C3orf49: variants seen among roughly 807,000 people sequenced by gnomAD.
The protein encoded by C3orf49 is putative uncharacterized protein C3orf49.
In C3orf49, 27 loss-of-function variants were observed where a neutral mutation model predicts 13.3. The observed-to-expected ratio is 2.02, with a 90% CI of 1.49 to 2.79. The LOEUF is 2.79. Among genes scored for constraint, C3orf49 ranks in the 30% most tolerant of loss-of-function variants. C3orf49 has a pLI of 0.00. For synonymous variants in C3orf49, 87 were observed against 47.6 expected, an observed-to-expected ratio of 1.83 and a Z score of -3.40; for missense variants, 242 against 134.2, an observed-to-expected ratio of 1.80 and a Z score of -3.97.
chr3:63,848,030 A>G (rs1257005973), intron 6 of C3orf49, among the ~76,000 whole-genome samples: 2 of 152,196 alleles, frequency 1.3e-5, no homozygotes, highest in Non-Finnish European at 1.5e-5. Flanking sequence ...AAGACTGACC[A>G]AACAGACTCT....
rs753527704 is a variant in C3orf49 at position 63,823,587 on chromosome 3, A to T, written c.445+18A>T. ...AGAGAATGGTAATCATATTTGGGCA[A>T]TTTGTCTTTGGGTTGAGGCCAAGAG... is the stretch of plus-strand genomic sequence containing the variant. On this transcript the variant is annotated intron_variant, in intron 2 of 6. Coordinates refer to ENST00000295896, the MANE Select transcript of C3orf49 (RefSeq NM_001355236.2). 2.5e-5 allele frequency: 17 copies of T among 688,400 alleles called. No individual in the cohort carries two copies. The highest frequency in any genetic ancestry group is 4.2e-5 in the Non-Finnish European group (16 of 377,870). The allele number at this position is 688,400 out of a possible 1,614,324, so 42.6% of individuals were successfully genotyped here. A position where few individuals can be genotyped will look rare whatever the true frequency, so the allele number is the denominator to read the frequency against.
chr3:63,813,799 C>G, the C3orf49 span, among the ~76,000 whole-genome samples: 5 of 152,188 alleles, frequency 3.3e-5, no homozygotes, highest in Non-Finnish European at 7.3e-5. Context: ...TTGCTTGAGC[C>G]AGGTGGAAAA....
upstream of C3orf49, among the ~76,000 whole-genome samples, chr3:63,816,428 T>C (rs530478469): frequency 6.6e-6 from 1 of 152,132 alleles, no homozygotes; most frequent in East Asian, 1.9e-4. Flanking sequence ...TCGTCTCTAC[T>C]AAAAATACAA....
At chr3:63,835,302 G>C in intron 5 of C3orf49, 1 of 1,613,248 alleles carries the variant, frequency 6.2e-7, no homozygotes, top group Non-Finnish European at 8.5e-7. Context: ...AGATCATGAA[G>C]GCTAAATATA....
chr3:63,815,308 G>A (rs927300528), upstream of C3orf49, among the ~76,000 whole-genome samples: 2 of 152,072 alleles, frequency 1.3e-5, no homozygotes. Flanking sequence ...ATTCATTTCA[G>A]TATTTAACTT....
intron 1 of C3orf49, among the ~76,000 whole-genome samples, chr3:63,822,992 TGAAGACAA>T (rs1701418226): frequency 6.6e-6 from 1 of 152,230 alleles, no homozygotes; most frequent in Non-Finnish European, 1.5e-5. Context: ...ATAAGTAAAA[TGAAGACAA>T]TAATATAACC....
intron 5 of C3orf49, chr3:63,838,566 GCAGA>G (rs1701684830): frequency 7.0e-7 from 1 of 1,432,262 alleles, no homozygotes; most frequent in Non-Finnish European, 9.4e-7. Flanking sequence ...CTGTTATAAT[GCAGA>G]CAAATATTTG....
At chr3:63,831,867 G>A (rs1701536720) in intron 5 of C3orf49, 23 bp downstream of exon 5, 1 of 693,652 alleles carries the variant, frequency 1.4e-6, no homozygotes, top group Admixed American at 2.1e-5. Flanking sequence ...TGTACCTGCT[G>A]CTGCTTCTGA....
chr3:63,804,752 T>C, the C3orf49 span, among the ~76,000 whole-genome samples: 1 of 152,212 alleles, frequency 6.6e-6, no homozygotes, highest in Non-Finnish European at 1.5e-5. Context: ...TGCACTAACC[T>C]AATACTTTTG....
chr3:63,799,526 C>G, the C3orf49 span, among the ~76,000 whole-genome samples: 1 of 152,106 alleles, frequency 6.6e-6, no homozygotes, highest in South Asian at 2.1e-4. Context: ...ATATTATTTT[C>G]TATCAATTCA....
In C3orf49 at chr3:63,838,469, C is replaced by T. The variant is rs200135935; in HGVS notation, c.850-6554C>T. ...CCATTGAAAATTCACATTGAGACAG[C>T]GTGCTCAGCATACGTTGGTACTGGC... On this transcript the variant is annotated intron_variant, in intron 5 of 6. Transcript: ENST00000295896. The T allele has an allele frequency of 6.8e-5, 110 of 1,608,970 alleles. 2 individuals are homozygous for T. The highest frequency in any genetic ancestry group is 3.3e-4 in the Middle Eastern group (2 of 6,042).
intron 3 of C3orf49, among the ~76,000 whole-genome samples, chr3:63,829,830 T>C (rs1701510802): frequency 6.6e-6 from 1 of 151,786 alleles, no homozygotes; most frequent in Admixed American, 6.6e-5. Context: ...CTGGGCATGG[T>C]GGTACACACT....
intron 6 of C3orf49, among the ~76,000 whole-genome samples, chr3:63,845,517 A>G (rs1176574940): frequency 6.6e-6 from 1 of 152,236 alleles, no homozygotes; most frequent in Non-Finnish European, 1.5e-5. Flanking sequence ...CTGCAGTAGT[A>G]AAGGTAACCA....
At chr3:63,840,103 T>C (rs1701726909) in intron 5 of C3orf49, among the ~76,000 whole-genome samples, 1 of 152,180 alleles carries the variant, frequency 6.6e-6, no homozygotes, top group South Asian at 2.1e-4. Flanking sequence ...TACTGGGTTG[T>C]TGAGTGGAAA....
the C3orf49 span, among the ~76,000 whole-genome samples, chr3:63,780,300 T>C: frequency 3.3e-5 from 5 of 152,288 alleles, no homozygotes; most frequent in Admixed American, 2.6e-4. Context: ...TTCATCCATG[T>C]CCCTACAAAG....
chr3:63,813,006 ATCT>A, the C3orf49 span, among the ~76,000 whole-genome samples: 1 of 152,164 alleles, frequency 6.6e-6, no homozygotes, highest in Non-Finnish European at 1.5e-5. Flanking sequence ...TTTTAAAAAG[ATCT>A]TCTTGTGTTC....
chr3:63,815,780 T>G (rs1021612556), upstream of C3orf49, among the ~76,000 whole-genome samples: 5 of 149,750 alleles, frequency 3.3e-5, no homozygotes, highest in Non-Finnish European at 5.9e-5. Context: ...TCTTTTTTTT[T>G]TTTTTTTGAC....
At chr3:63,797,152 T>A in the C3orf49 span, among the ~76,000 whole-genome samples, 1 of 152,248 alleles carries the variant, frequency 6.6e-6, no homozygotes, top group Non-Finnish European at 1.5e-5. Flanking sequence ...TAATGAAAAG[T>A]CTGCTGTAAT....
chr3:63,806,933 A>T, the C3orf49 span, among the ~76,000 whole-genome samples: 2 of 152,146 alleles, frequency 1.3e-5, no homozygotes, highest in Non-Finnish European at 2.9e-5. Flanking sequence ...TTATTTGATA[A>T]CTGAATAAGA....
Sources: gnomAD v4.1 joint callset for allele counts (sites outside exome capture counted in the v4.1 genomes callset) on GRCh38, gnomAD v4.1.1 for gene constraint, MANE v1.5 for transcripts, NCBI Gene and HGNC (gene_info 2026-07-23, HGNC 2026-07-21) for gene names.